ZNF618: variants seen among roughly 807,000 people sequenced by gnomAD.
ZNF618 encodes zinc finger protein 618, also known as neural precursor cell expressed, developmentally down-regulated 10.
In ZNF618, 34 loss-of-function variants were observed where a neutral mutation model predicts 103.0. The ratio of observed to expected loss-of-function variants is 0.33; its 90% CI spans 0.25 to 0.44. The LOEUF (loss-of-function observed/expected upper bound fraction) is 0.44, where lower values mean the gene tolerates loss of function less well. Among genes scored for constraint, ZNF618 ranks in the 20% least tolerant of loss-of-function variants. The pLI, the probability that ZNF618 is intolerant of heterozygous loss-of-function variation, is 1.00. For missense variants in ZNF618, 1,059 were observed against 1,295.4 expected (o/e 0.82, Z 2.80); for synonymous variants, 551 against 542.2 (o/e 1.02, Z -0.23).
At position 113,883,990 on chromosome 9, in the gene ZNF618, C is replaced by T. The variant is rs985047572; in HGVS notation, c.33+7577C>T. Among the ~76,000 whole-genome samples, 2 of 46,704 alleles carry T rather than the reference C, an allele frequency of 4.3e-5. 1 individual carries two copies. The highest frequency in any genetic ancestry group is 1.2e-4 in the African/African-American group (2 of 16,296). 30.6% of individuals were successfully genotyped at this position (46,704 alleles called of 152,430 possible). The stretch of plus-strand genomic sequence containing the variant: ...ACTTTTCTCTGGGCTTGGCCCCCCC[C>T]CCCCCCCCCCCCGCCCTGTACAGTG... On this transcript the variant is annotated intron_variant, in intron 1 of 14. Transcript: ENST00000374126.
intron 1 of ZNF618, among the ~76,000 whole-genome samples, chr9:113,895,468 T>C (rs1829960522): frequency 6.6e-6 from 1 of 152,186 alleles, no homozygotes; most frequent in African/African-American, 2.4e-5. Flanking sequence ...TGCAGCGTTT[T>C]GTGTCTATAT....
At chr9:113,930,930 A>G (rs1833526099) in intron 1 of ZNF618, among the ~76,000 whole-genome samples, 1 of 152,248 alleles carries the variant, frequency 6.6e-6, no homozygotes, top group South Asian at 2.1e-4. Flanking sequence ...AAGGCCAATA[A>G]GCACCTGACA....
intron 1 of ZNF618, among the ~76,000 whole-genome samples, chr9:113,948,363 A>T (rs979068361): frequency 8.5e-5 from 13 of 152,160 alleles, no homozygotes; most frequent in Admixed American, 8.5e-4. Flanking sequence ...CAGAGATGAC[A>T]TTTCCCACCT....
intron 2 of ZNF618, among the ~76,000 whole-genome samples, chr9:113,984,804 T>C (rs1195526682): frequency 6.6e-6 from 1 of 152,238 alleles, no homozygotes; most frequent in Non-Finnish European, 1.5e-5. Context: ...AGCTGCTTTC[T>C]TTACCCCCCG....
At chr9:114,018,037 G>T (rs2133974915) in intron 10 of ZNF618, among the ~76,000 whole-genome samples, 1 of 152,250 alleles carries the variant, frequency 6.6e-6, no homozygotes, top group African/African-American at 2.4e-5. Context: ...CCTTCTCTGG[G>T]CTCTTTTCCC....
At chr9:113,988,628 T>C in intron 3 of ZNF618, 48 bp downstream of exon 3, 2 of 1,556,580 alleles carry the variant, frequency 1.3e-6, no homozygotes, top group Non-Finnish European at 1.7e-6. Flanking sequence ...GGTGGGAACA[T>C]GGAGTCAGAG....
At chr9:113,986,643 T>C (rs1236461586) in intron 2 of ZNF618, among the ~76,000 whole-genome samples, 6 of 152,166 alleles carry the variant, frequency 3.9e-5, no homozygotes, top group Non-Finnish European at 8.8e-5. Flanking sequence ...TGACCTCATT[T>C]AACCACACTT....
chr9:113,949,104 C>T (rs548399186), intron 1 of ZNF618, among the ~76,000 whole-genome samples: 11 of 152,298 alleles, frequency 7.2e-5, no homozygotes, highest in Middle Eastern at 3.4e-3. Flanking sequence ...AAATGGGTGA[C>T]GGAAGAGTGA....
rs1303989146 is a variant in ZNF618, at chr9:114,048,700, G to T, written c.1398G>T (p.Arg466=). 2.0e-5 allele frequency: 33 copies of T among 1,613,854 alleles called. No homozygotes were observed. The highest frequency in any genetic ancestry group is 2.8e-5 in the Non-Finnish European group (33 of 1,179,876). ...TPNSMIPEKE[R]QNIAERLLRV... ...ACAGCATGATCCCCGAAAAGGAGCG[G>T]CAGAACATCGCAGAGCGGCTGTTGA... Residue 466 remains arginine, a synonymous_variant, in exon 15 of 15, where the codon CGG becomes CGT. Transcript: ENST00000374126.
At chr9:114,012,066 GAA>G (rs1371320258) in intron 9 of ZNF618, among the ~76,000 whole-genome samples, 1 of 133,834 alleles carries the variant, frequency 7.5e-6, no homozygotes, top group African/African-American at 2.8e-5. Flanking sequence ...CACATAACAA[GAA>G]AAAGAGAATT....
intron 1 of ZNF618, among the ~76,000 whole-genome samples, chr9:113,960,370 T>G (rs566874745): frequency 6.6e-6 from 1 of 152,350 alleles, no homozygotes; most frequent in African/African-American, 2.4e-5. Flanking sequence ...TTAGCCTGAC[T>G]TACAGGACTT....
chr9:114,014,619 A>G (rs2133918798), intron 9 of ZNF618, among the ~76,000 whole-genome samples: 1 of 152,368 alleles, frequency 6.6e-6, no homozygotes, highest in East Asian at 1.9e-4. Context: ...ACATGTAAAC[A>G]AATAGATCAG....
chr9:113,964,539 TA>T (rs1038637115), intron 1 of ZNF618, among the ~76,000 whole-genome samples: 93 of 147,364 alleles, frequency 6.3e-4, no homozygotes, highest in East Asian at 1.4e-3. Context: ...TCAAGTGGCT[TA>T]AAAAAAAAAA....
At chr9:113,981,894 C>T (rs1236699213) in intron 2 of ZNF618, among the ~76,000 whole-genome samples, 2 of 152,182 alleles carry the variant, frequency 1.3e-5, no homozygotes, top group Non-Finnish European at 2.9e-5. Context: ...AAAACAGACC[C>T]GGGCCCCGTT....
At chr9:114,048,108 A>G in intron 14 of ZNF618, 114 bp downstream of exon 14, 3 of 940,188 alleles carry the variant, frequency 3.2e-6, no homozygotes, top group Non-Finnish European at 3.2e-6. Context: ...ATGATGCATG[A>G]TAGTTTCCAA....
rs189794505 is a variant in ZNF618, at chr9:114,044,411, T to C, written c.1247-3482T>C. On this transcript the variant is annotated intron_variant, in intron 13 of 14. Coordinates refer to ENST00000374126, the MANE Select transcript of ZNF618 (RefSeq NM_001318042.2). ...TTCTATTGGTCTATGTGCCTATTTTTATGCCAGTACTATGCTATTTTGGTG... is the reference window on the plus strand; with the variant it reads ...TTCTATTGGTCTATGTGCCTATTTTCATGCCAGTACTATGCTATTTTGGTG... Among the ~76,000 whole-genome samples the C allele has an allele frequency of 5.3e-5, 8 of 152,306 alleles. No homozygotes were observed. The East Asian group carries it at 1.5e-3, about 29-fold the overall frequency.
At chr9:113,877,137 T>C (rs1828032477) in intron 1 of ZNF618, among the ~76,000 whole-genome samples, 1 of 152,096 alleles carries the variant, frequency 6.6e-6, no homozygotes, top group South Asian at 2.1e-4. Flanking sequence ...GGAGACAATT[T>C]TTATTTCTGA....
At position 114,049,585 on chromosome 9, in the gene ZNF618, G is replaced by A; in HGVS notation, c.2283G>A (p.Leu761=). 6.2e-7 allele frequency: 1 copy of A among 1,613,834 alleles called. No homozygotes were observed. The highest frequency in any genetic ancestry group is 8.5e-7 in the Non-Finnish European group (1 of 1,179,902). Residue 761 remains leucine (L), a synonymous_variant, in exon 15 of 15, where the codon CTG becomes CTA. Transcript: ENST00000374126. ...GCCAGCCCACCCTGCAGCTGGTGCT[G>A]CCCACCTACGTCAGGCTGGAGAAGC... ...NESQPTLQLV[L]PTYVRLEKLF... is the part of the protein sequence containing the mutation.
intron 7 of ZNF618, 58 bp downstream of exon 7, chr9:114,007,497 A>C: frequency 6.5e-7 from 1 of 1,543,810 alleles, no homozygotes; most frequent in Non-Finnish European, 8.8e-7. Context: ...CCTTGGAGAC[A>C]CCAGCCCCCA....
Sources: allele counts gnomAD v4.1 joint callset (sites outside exome capture counted in the v4.1 genomes callset), GRCh38; gene constraint gnomAD v4.1.1; transcripts MANE v1.5; gene names NCBI Gene and HGNC (gene_info 2026-07-23, HGNC 2026-07-21).